Variants in MINDY2 observed in about 807,000 individuals in gnomAD.
The protein encoded by MINDY2 is ubiquitin carboxyl-terminal hydrolase MINDY-2.
In MINDY2, 52 loss-of-function variants were observed where a neutral mutation model predicts 68.2. That is an observed-to-expected ratio of 0.76 (90% CI 0.61 to 0.96). The LOEUF (loss-of-function observed/expected upper bound fraction) is 0.96. Among genes scored for constraint, MINDY2 ranks in the 40% least tolerant of loss-of-function variants. The probability of loss-of-function intolerance (pLI) is 0.00; values close to 1 mark genes in which losing one functional copy is unlikely to be tolerated. For missense variants in MINDY2, 881 were observed against 773.4 expected, an observed-to-expected ratio of 1.14 and a Z score of -1.65; for synonymous variants, 372 against 303.0, an observed-to-expected ratio of 1.23 and a Z score of -2.36.
intron 5 of MINDY2, among the ~76,000 whole-genome samples, chr15:58,829,631 T>C (rs757685585): frequency 1.3e-5 from 2 of 152,206 alleles, no homozygotes; most frequent in Admixed American, 1.3e-4. Context: ...AAGGGGCTTT[T>C]AAAAACATCT....
rs1010212311 is a variant in MINDY2 at position 58,784,419 on chromosome 15, G to T, written c.841-3487G>T. On this transcript the variant is annotated intron_variant, in intron 1 of 8. Transcript: ENST00000559228. ...TTCCTAGATAATAAAAATTTATTTG[G>T]CCTCTATTAATTGGGAGCTATTTGT... 3.3e-5 allele frequency among the ~76,000 whole-genome samples: 5 copies of T among 151,950 alleles called. No homozygotes were observed. In the South Asian group the frequency reaches 1.0e-3, roughly 32 times the overall value.
rs771478849 is a variant in MINDY2 at position 58,847,410 on chromosome 15, T to C, written c.1482T>C (p.His494=). 4 of 1,607,360 alleles carry C rather than the reference T, an allele frequency of 2.5e-6. No individual in the cohort carries two copies. Among genetic ancestry groups the C allele is most frequent in the Admixed American group, 3.3e-5 (2 of 59,958 alleles). The stretch of plus-strand genomic sequence containing the variant: ...GAAATTTCTGTGACTCAGAATTTCA[T>C]CTTCGACCTCCTTCAGATCCTGAAA... ...GDGNFCDSEF[H]LRPPSDPETV... Residue 494 remains histidine, a synonymous_variant, in exon 7 of 9, where the codon CAT becomes CAC. Coordinates refer to ENST00000559228, the MANE Select transcript of MINDY2 (RefSeq NM_001040450.3).
At chr15:58,785,750 C>A (rs1203719408) in intron 1 of MINDY2, among the ~76,000 whole-genome samples, 1 of 152,126 alleles carries the variant, frequency 6.6e-6, no homozygotes, top group Non-Finnish European at 1.5e-5. Flanking sequence ...GATCTCTGCT[C>A]ACTGAAGCCT....
chr15:58,794,269 A>T (rs1482913931), intron 2 of MINDY2, among the ~76,000 whole-genome samples: 1 of 152,114 alleles, frequency 6.6e-6, no homozygotes. Context: ...TTGATTCCTG[A>T]TAGAGCTGAG....
At chr15:58,778,835 C>T (rs182021898) in intron 1 of MINDY2, among the ~76,000 whole-genome samples, 157 of 115,326 alleles carry the variant, frequency 1.4e-3, no homozygotes, top group African/African-American at 5.5e-3. Flanking sequence ...TTTTTTGAGA[C>T]GGAATCTCAT....
At chr15:58,780,350 C>T (rs1415255838) in intron 1 of MINDY2, among the ~76,000 whole-genome samples, 23 of 151,176 alleles carry the variant, frequency 1.5e-4, no homozygotes, top group Admixed American at 1.4e-3. Context: ...TGCGGTGAGC[C>T]GAGATAGCGC....
At chr15:58,813,197 C>T (rs1262749682) in intron 4 of MINDY2, among the ~76,000 whole-genome samples, 1 of 152,024 alleles carries the variant, frequency 6.6e-6, no homozygotes, top group African/African-American at 2.4e-5. Flanking sequence ...TGTTAAAGAG[C>T]ATCTGGGTGT....
chr15:58,803,557 C>T (rs975058593), intron 3 of MINDY2, among the ~76,000 whole-genome samples: 1 of 152,056 alleles, frequency 6.6e-6, no homozygotes, highest in Non-Finnish European at 1.5e-5. Flanking sequence ...TGACTCCTGC[C>T]TATAATCCCA....
intron 6 of MINDY2, among the ~76,000 whole-genome samples, chr15:58,839,342 G>GT (rs1222458752): frequency 6.6e-6 from 1 of 151,824 alleles, no homozygotes; most frequent in Non-Finnish European, 1.5e-5. Context: ...TTGTTTGTTT[G>GT]TTTTTTTGAG....
intron 2 of MINDY2, among the ~76,000 whole-genome samples, chr15:58,792,605 CAG>C (rs542914136): frequency 1.7e-4 from 25 of 150,922 alleles, no homozygotes; most frequent in Admixed American, 2.6e-4. Context: ...GACTCTGTCT[CAG>C]GGGGAAAAAA....
chr15:58,783,077 G>A (rs537306428), intron 1 of MINDY2, among the ~76,000 whole-genome samples: 5 of 151,548 alleles, frequency 3.3e-5, no homozygotes, highest in East Asian at 1.9e-4. Context: ...CTGCCACCGC[G>A]CCTGGCTAAT....
At chr15:58,841,145 C>T (rs1372446783) in intron 6 of MINDY2, among the ~76,000 whole-genome samples, 1 of 151,434 alleles carries the variant, frequency 6.6e-6, no homozygotes, top group Non-Finnish European at 1.5e-5. Context: ...CCATGTCCAG[C>T]TAATTTTTTG....
intron 7 of MINDY2, among the ~76,000 whole-genome samples, chr15:58,849,581 A>T (rs1490731024): frequency 2.0e-5 from 3 of 152,156 alleles, no homozygotes; most frequent in Non-Finnish European, 2.9e-5. Context: ...AGGTGTTGAG[A>T]TTGTTATCTG....
intron 6 of MINDY2, among the ~76,000 whole-genome samples, chr15:58,837,968 CAAAAAAAAAAAA>C (rs34909401): frequency 8.0e-5 from 6 of 75,124 alleles, no homozygotes; most frequent in Non-Finnish European, 1.1e-4. Flanking sequence ...GACCTTCTTT[CAAAAAAAAAAAA>C]AAAAAAAAAA....
chr15:58,777,556 T>C (rs1234423999), intron 1 of MINDY2, among the ~76,000 whole-genome samples: 1 of 152,090 alleles, frequency 6.6e-6, no homozygotes, highest in African/African-American at 2.4e-5. Context: ...AGAGGATCAG[T>C]TGAGCCCAGG....
In MINDY2 at chr15:58,857,031, T is replaced by C. The variant is rs1247598160; in HGVS notation, c.*2421T>C. 6.6e-6 allele frequency: 1 copy of C among 152,228 alleles called. No homozygotes were observed. The highest frequency in any genetic ancestry group is 1.5e-5 in the Non-Finnish European group (1 of 68,038). 9.4% of individuals were successfully genotyped at this position (152,228 alleles called of 1,614,324 possible). A position where few individuals can be genotyped will look rare whatever the true frequency, so the allele number is the denominator to read the frequency against. On this transcript the variant is annotated 3_prime_UTR_variant, in exon 9 of 9. Transcript: ENST00000559228. ...TATCAGATAAGTAGATGTCAATGTATACTTACAAGGAAAAACTAAAAAATG... is the reference window on the plus strand; with the variant it reads ...TATCAGATAAGTAGATGTCAATGTACACTTACAAGGAAAAACTAAAAAATG...
intron 3 of MINDY2, among the ~76,000 whole-genome samples, chr15:58,804,350 A>G (rs1330223720): frequency 6.6e-6 from 1 of 152,154 alleles, no homozygotes; most frequent in Non-Finnish European, 1.5e-5. Flanking sequence ...GTATTTATGA[A>G]ATTTATATCA....
Position 58,837,729 on chromosome 15 carries a change from G to A in MINDY2, c.1368+5813G>A, listed in dbSNP as rs537267085. ...ACATGTAATTGCAGTACTTTGAGAG[G>A]CAGAGGTGGGAAGATCACTTGAGCC... is the stretch of plus-strand genomic sequence containing the variant. On this transcript the variant is annotated intron_variant, in intron 6 of 8. Coordinates refer to ENST00000559228, the MANE Select transcript of MINDY2 (RefSeq NM_001040450.3). Among the ~76,000 whole-genome samples, 20 of 151,998 alleles carry A rather than the reference G, an allele frequency of 1.3e-4. No individual in the cohort carries two copies. In the East Asian group the frequency reaches 3.7e-3, roughly 28 times the overall value.
chr15:58,848,263 G>T (rs1429251125), intron 7 of MINDY2, among the ~76,000 whole-genome samples: 1 of 152,056 alleles, frequency 6.6e-6, no homozygotes, highest in African/African-American at 2.4e-5. Context: ...CACAAAGACT[G>T]TTCAGTTAGC....
Sources: allele counts gnomAD v4.1 joint callset (sites outside exome capture counted in the v4.1 genomes callset), GRCh38; gene constraint gnomAD v4.1.1; transcripts MANE v1.5; gene names NCBI Gene and HGNC (gene_info 2026-07-23, HGNC 2026-07-21).